The following DSCAML1 variants were observed in gnomAD, a reference collection of about 807,000 sequenced individuals.
The protein encoded by DSCAML1 is DS cell adhesion molecule like 1, also known as cell adhesion molecule DSCAML1.
In DSCAML1, 38 loss-of-function variants were observed where a neutral mutation model predicts 200.5. The observed-to-expected ratio is 0.19, with a 90% CI of 0.15 to 0.25. The LOEUF (loss-of-function observed/expected upper bound fraction) is 0.25. DSCAML1 is among the 10% of genes least tolerant of loss of function. The pLI, the probability that DSCAML1 is intolerant of heterozygous loss-of-function variation, is 1.00. For synonymous variants in DSCAML1, 1,215 were observed against 1,165.0 expected, an observed-to-expected ratio of 1.04 and a Z score of -0.87; for missense variants, 2,223 against 2,858.8, an observed-to-expected ratio of 0.78 and a Z score of 5.07.
chr11:117,724,314 G>A (rs912220505), intron 3 of DSCAML1, among the ~76,000 whole-genome samples: 6 of 152,184 alleles, frequency 3.9e-5, no homozygotes, highest in Non-Finnish European at 7.4e-5. Context: ...AGGCAGCACC[G>A]CCAGGCACCA....
At chr11:117,433,585 G>T (rs1287024683) in intron 27 of DSCAML1, 114 bp from the exon 28 acceptor site, 3 of 1,158,312 alleles carry the variant, frequency 2.6e-6, no homozygotes, top group South Asian at 1.6e-5. Flanking sequence ...GGCCAGGGCT[G>T]GTCTCCTAAG....
intron 3 of DSCAML1, among the ~76,000 whole-genome samples, chr11:117,739,797 G>A (rs757009935): frequency 5.5e-5 from 7 of 127,442 alleles, no homozygotes; most frequent in African/African-American, 7.8e-5. Flanking sequence ...TAGCTGCAAT[G>A]GGCAAATCTG....
chr11:117,449,574 T>C (rs2048246077), intron 20 of DSCAML1, among the ~76,000 whole-genome samples: 2 of 152,162 alleles, frequency 1.3e-5, no homozygotes, highest in African/African-American at 4.8e-5. Flanking sequence ...CTCAGGCTGA[T>C]GCCCAGTTGT....
At chr11:117,687,979 T>A (rs1367209507) in intron 3 of DSCAML1, among the ~76,000 whole-genome samples, 2 of 152,098 alleles carry the variant, frequency 1.3e-5, no homozygotes, top group Admixed American at 6.5e-5. Context: ...CCAGGCAGCT[T>A]CTCCTGCAGA....
intron 1 of DSCAML1, among the ~76,000 whole-genome samples, chr11:117,812,724 G>T (rs913944983): frequency 6.8e-6 from 1 of 147,560 alleles, no homozygotes; most frequent in African/African-American, 2.4e-5. Flanking sequence ...AAAAACACAC[G>T]TGCTCTTCCT....
rs760341011 is a variant in DSCAML1, at chr11:117,505,637, G to A, written c.1879C>T (p.Arg627Cys). 6.8e-6 allele frequency: 11 copies of A among 1,614,060 alleles called. No homozygotes were observed. Among genetic ancestry groups the A allele is most frequent in the Non-Finnish European group, 9.3e-6 (11 of 1,180,036 alleles). The stretch of plus-strand genomic sequence containing the variant: ...TGTCCGTCCTTCCTCCAGGTGATAC[G>A]GATGGGCATGTCCCCCGAGGACACC... ...CVVSSGDMPI[R>C]ITWRKDGQVI... is the part of the protein sequence containing the mutation. Residue 627 changes from arginine (R) to cysteine (C), a missense_variant, in exon 9 of 33, where the codon CGT (arginine) becomes TGT (cysteine). Arg to Cys is a radical substitution (Grantham distance 180, BLOSUM62 -3). This residue lies in a region of DSCAML1 where 212 missense variants were observed against 368.0 expected (regional missense o/e 0.58). Coordinates refer to ENST00000651296, the MANE Select transcript of DSCAML1 (RefSeq NM_020693.4). This position sits in a 1 kb window ranked among gnomAD's most constrained non-coding sequence, Gnocchi z 6.7.
At chr11:117,531,144 A>G (rs529526413) in intron 4 of DSCAML1, among the ~76,000 whole-genome samples, 1 of 152,310 alleles carries the variant, frequency 6.6e-6, no homozygotes, top group South Asian at 2.1e-4. Context: ...CACTGTTCAG[A>G]AAGCCTACCT....
chr11:117,757,737 C>T (rs1216654920), intron 3 of DSCAML1, among the ~76,000 whole-genome samples: 2 of 151,944 alleles, frequency 1.3e-5, no homozygotes, highest in Non-Finnish European at 2.9e-5. Flanking sequence ...TCAAAATCAC[C>T]TCAAGCATTT....
intron 21 of DSCAML1, among the ~76,000 whole-genome samples, chr11:117,442,407 G>A (rs1435784895): frequency 2.6e-5 from 4 of 152,006 alleles, no homozygotes; most frequent in Non-Finnish European, 5.9e-5. Flanking sequence ...GTGCACATTA[G>A]TATGTGTATG....
At position 117,780,484 on chromosome 11, in the gene DSCAML1, G is replaced by A. The variant is rs576210998; in HGVS notation, c.364+9C>T. The A allele has an allele frequency of 6.9e-7, 1 of 1,443,062 alleles. No individual in the cohort carries two copies. Among genetic ancestry groups the A allele is most frequent in the Admixed American group, 2.7e-5 (1 of 36,872 alleles). The allele number at this position is 1,443,062 out of a possible 1,614,324, so 89.4% of individuals were successfully genotyped here. On this transcript the variant is annotated intron_variant, in intron 2 of 32. Transcript: ENST00000651296. The surrounding 1 kb of genome is among the most constrained non-coding windows in gnomAD (Gnocchi z 4.8). ...GTGCCACTGGGGCAGCCAGTGTCTT[G>A]TCCCTTACCTGCTTTGACGCGGATG...
chr11:117,709,975 T>G (rs145201747), intron 3 of DSCAML1, among the ~76,000 whole-genome samples: 1 of 152,286 alleles, frequency 6.6e-6, no homozygotes, highest in East Asian at 1.9e-4. Context: ...TCCCTGGACT[T>G]TGCCTGGCCT....
At chr11:117,466,667 ACT>A (rs1429140548) in intron 16 of DSCAML1, among the ~76,000 whole-genome samples, 1 of 151,856 alleles carries the variant, frequency 6.6e-6, no homozygotes, top group Non-Finnish European at 1.5e-5. Flanking sequence ...ACAGAGTGAG[ACT>A]CTGTCTCAAC....
intron 3 of DSCAML1, among the ~76,000 whole-genome samples, chr11:117,738,652 T>C (rs2054366618): frequency 6.6e-6 from 1 of 152,172 alleles, no homozygotes; most frequent in Non-Finnish European, 1.5e-5. Context: ...CCCAGGCATT[T>C]CTTCCTTGGT....
intron 3 of DSCAML1, among the ~76,000 whole-genome samples, chr11:117,725,808 C>T (rs1003786033): frequency 2.7e-5 from 3 of 109,716 alleles, no homozygotes; most frequent in African/African-American, 1.3e-4. Context: ...CTACACAAAA[C>T]AAAACAAAAC....
chr11:117,442,112 CAT>C (rs1400942629), intron 21 of DSCAML1, among the ~76,000 whole-genome samples: 18 of 149,454 alleles, frequency 1.2e-4, no homozygotes, highest in African/African-American at 2.7e-4. Context: ...TGTGTATGTG[CAT>C]ATGTGAGTGT....
chr11:117,512,307 C>A (rs1011192601), intron 8 of DSCAML1, among the ~76,000 whole-genome samples: 5 of 152,102 alleles, frequency 3.3e-5, no homozygotes, highest in African/African-American at 1.2e-4. Flanking sequence ...CAAGTCAGGG[C>A]CCCCGCCATG....
intron 3 of DSCAML1, among the ~76,000 whole-genome samples, chr11:117,703,102 T>C (rs566652538): frequency 1.3e-5 from 2 of 152,276 alleles, no homozygotes; most frequent in African/African-American, 4.8e-5. Flanking sequence ...CAACAGCCAG[T>C]GGTGAACGTG....
intron 3 of DSCAML1, among the ~76,000 whole-genome samples, chr11:117,744,661 G>A (rs1333817371): frequency 6.6e-6 from 1 of 152,198 alleles, no homozygotes; most frequent in Non-Finnish European, 1.5e-5. Flanking sequence ...AGCCCCGGGG[G>A]GCAAAGTCCA....
chr11:117,567,166 A>G (rs2050773130), intron 3 of DSCAML1, among the ~76,000 whole-genome samples: 1 of 152,326 alleles, frequency 6.6e-6, no homozygotes, highest in Non-Finnish European at 1.5e-5. Flanking sequence ...TGACTTCCAC[A>G]ATGGTTGAAC....
Sources: allele counts gnomAD v4.1 joint callset (sites outside exome capture counted in the v4.1 genomes callset), GRCh38; gene constraint gnomAD v4.1.1; regional missense constraint gnomAD v4.1.1; non-coding constraint Gnocchi (gnomAD v3.1); transcripts MANE v1.5; gene names NCBI Gene and HGNC (gene_info 2026-07-23, HGNC 2026-07-21).